TM4SF20: variants seen among roughly 807,000 people sequenced by gnomAD.
The protein encoded by TM4SF20 is transmembrane 4 L six family member 20.
TM4SF20 carries 13 observed loss-of-function variants against 15.1 expected under a neutral mutation model. That is an observed-to-expected ratio of 0.86 (90% CI 0.56 to 1.36). TM4SF20 has a LOEUF of 1.36. Ranked by LOEUF, TM4SF20 falls within the 40% of genes most tolerant of loss-of-function variation. The probability of loss-of-function intolerance (pLI) is 0.00; values close to 1 mark genes in which losing one functional copy is unlikely to be tolerated. For synonymous variants in TM4SF20, 92 were observed against 96.6 expected, an observed-to-expected ratio of 0.95 and a Z score of 0.28; for missense variants, 282 against 268.4, an observed-to-expected ratio of 1.05 and a Z score of -0.35.
At chr2:227,377,098 C>T (rs1420602631) in intron 1 of TM4SF20, among the ~76,000 whole-genome samples, 1 of 151,198 alleles carries the variant, frequency 6.6e-6, no homozygotes, top group Non-Finnish European at 1.5e-5. Context: ...GTCATCGCCA[C>T]CTCCGACTCC....
At chr2:227,372,598 G>A (rs558846441) in intron 1 of TM4SF20, among the ~76,000 whole-genome samples, 4 of 152,276 alleles carry the variant, frequency 2.6e-5, no homozygotes, top group Admixed American at 1.3e-4. Flanking sequence ...CTGAGATCAT[G>A]TGACTGCACT....
chr2:227,368,055 G>A (rs1187998055), intron 2 of TM4SF20, among the ~76,000 whole-genome samples: 6 of 126,466 alleles, frequency 4.7e-5, no homozygotes, highest in Admixed American at 9.6e-5. Context: ...ACGGAGTCTC[G>A]CTGTGTCGCC....
intron 1 of TM4SF20, among the ~76,000 whole-genome samples, chr2:227,372,229 T>C (rs2076424367): frequency 6.6e-6 from 1 of 152,208 alleles, no homozygotes; most frequent in Admixed American, 6.5e-5. Flanking sequence ...TCCATCCTCA[T>C]AATAATCCTA....
intron 1 of TM4SF20, among the ~76,000 whole-genome samples, chr2:227,375,732 G>T (rs945261974): frequency 1.3e-5 from 2 of 151,906 alleles, no homozygotes; most frequent in Non-Finnish European, 2.9e-5. Context: ...CTCGTGATTC[G>T]CCCGCCTCGG....
chr2:227,381,106 C>T (rs1309769375), upstream of TM4SF20, among the ~76,000 whole-genome samples: 4 of 152,040 alleles, frequency 2.6e-5, no homozygotes, highest in Non-Finnish European at 5.9e-5. Flanking sequence ...AAAACCCTGT[C>T]TCTACTAAAA....
At chr2:227,377,710 T>C (rs1269891654) in intron 1 of TM4SF20, among the ~76,000 whole-genome samples, 1 of 152,106 alleles carries the variant, frequency 6.6e-6, no homozygotes, top group Non-Finnish European at 1.5e-5. Context: ...ATCCTTAAAC[T>C]AACGCATGAA....
At chr2:227,372,024 G>T (rs1414731361) in intron 1 of TM4SF20, among the ~76,000 whole-genome samples, 1 of 152,164 alleles carries the variant, frequency 6.6e-6, no homozygotes, top group East Asian at 1.9e-4. Flanking sequence ...ACTGGAAGGA[G>T]TTTTGTATCA....
Position 227,366,743 on chromosome 2 carries a change from AAAAAAAAAAAAAAG to A in TM4SF20, c.250-513_250-500del, listed in dbSNP as rs1424708538. On this transcript the variant is annotated intron_variant, in intron 2 of 3. Coordinates refer to ENST00000304568, the MANE Select transcript of TM4SF20 (RefSeq NM_024795.4). ...AAAAAAAAAAAAAAAAAAAAAAAAA[AAAAAAAAAAAAAAG>A]ATGGTTTGGCTTGTCACTGTCTCTG... Among the ~76,000 whole-genome samples, 604 of 90,698 alleles carry A rather than the reference AAAAAAAAAAAAAAG, an allele frequency of 6.7e-3. 21 individuals are homozygous for A. Among genetic ancestry groups the A allele is most frequent in the African/African-American group, 0.032 (571 of 18,106 alleles). The allele number at this position is 90,698 out of a possible 152,430, so 59.5% of individuals were successfully genotyped here.
Position 227,370,960 on chromosome 2 carries a change from CATT to C in TM4SF20, c.201_203del (p.Met68del), listed in dbSNP as rs764940533. ...ACGCTCTTTTTCTTGCTGTCAAGGA[CATT>C]GTTGTTGCTGGAATGGCCTGGAAAT... On this transcript the variant is annotated inframe_deletion, in exon 2 of 4. Coordinates refer to ENST00000304568, the MANE Select transcript of TM4SF20 (RefSeq NM_024795.4). 1.7e-5 allele frequency: 28 copies of C among 1,613,804 alleles called. No homozygotes were observed. In the African/African-American group the frequency reaches 2.0e-4, roughly 12 times the overall value.
At chr2:227,364,380 C>T (rs2076380159) in intron 3 of TM4SF20, among the ~76,000 whole-genome samples, 1 of 145,886 alleles carries the variant, frequency 6.9e-6, no homozygotes, top group Admixed American at 6.6e-5. Flanking sequence ...AGGAGCCTCC[C>T]CTACCCCCCG....
At chr2:227,364,052 C>G (rs1175439815) in intron 3 of TM4SF20, 40 bp from the exon 4 acceptor site, 1 of 1,567,246 alleles carries the variant, frequency 6.4e-7, no homozygotes, top group Admixed American at 1.8e-5. Flanking sequence ...TCAGAAATAT[C>G]CCTGACCAAA....
intron 1 of TM4SF20, among the ~76,000 whole-genome samples, chr2:227,374,553 GT>G (rs2076437992): frequency 6.6e-6 from 1 of 152,156 alleles, no homozygotes; most frequent in Non-Finnish European, 1.5e-5. Context: ...GAATGCCTGA[GT>G]TTTTGTAAAA....
At chr2:227,366,876 G>C (rs950865701) in intron 2 of TM4SF20, among the ~76,000 whole-genome samples, 4 of 151,202 alleles carry the variant, frequency 2.6e-5, no homozygotes, top group Admixed American at 6.6e-5. Flanking sequence ...CTACTTCATA[G>C]AATCTTGACT....
intron 1 of TM4SF20, among the ~76,000 whole-genome samples, chr2:227,377,140 G>A (rs1339239912): frequency 6.6e-6 from 1 of 152,160 alleles, no homozygotes; most frequent in Non-Finnish European, 1.5e-5. Context: ...TTAATCTCAT[G>A]GGATTTGTGG....
At chr2:227,374,992 A>G (rs1333402456) in intron 1 of TM4SF20, among the ~76,000 whole-genome samples, 1 of 151,706 alleles carries the variant, frequency 6.6e-6, no homozygotes, top group African/African-American at 2.4e-5. Context: ...CAGTGGCACA[A>G]TCTCGGCTCT....
Position 227,366,227 on chromosome 2 carries a change from A to C in TM4SF20, c.267T>G (p.Leu89=), listed in dbSNP as rs370701272. 3.2e-5 allele frequency: 51 copies of C among 1,607,936 alleles called. No individual in the cohort carries two copies. The highest frequency in any genetic ancestry group is 4.1e-5 in the Non-Finnish European group (48 of 1,178,664). ...NNRTGMFLSS[L]FSVITVIGAL... is the part of the protein sequence containing the mutation. ...CACCAATGACTGTGATCACACTGAA[A>C]AGTGATGAAAGAAACATCTGAAAAA... Residue 89 remains leucine (L), a synonymous_variant, in exon 3 of 4, where the codon CTT becomes CTG. Transcript: ENST00000304568.
intron 2 of TM4SF20, among the ~76,000 whole-genome samples, chr2:227,369,591 G>A (rs2076410718): frequency 6.6e-6 from 1 of 152,076 alleles, no homozygotes; most frequent in African/African-American, 2.4e-5. Flanking sequence ...ACCGTGCCCA[G>A]CTAATTTTTG....
intron 1 of TM4SF20, among the ~76,000 whole-genome samples, chr2:227,374,530 C>T (rs938721568): frequency 2.6e-5 from 4 of 152,102 alleles, no homozygotes; most frequent in African/African-American, 9.7e-5. Flanking sequence ...CTCTTCATTT[C>T]CTAAGCATAT....
intron 3 of TM4SF20, among the ~76,000 whole-genome samples, chr2:227,364,716 A>G (rs1472242683): frequency 6.6e-6 from 1 of 152,194 alleles, no homozygotes; most frequent in Non-Finnish European, 1.5e-5. Context: ...CAAGCCAAGG[A>G]TCACTCTCTT....
Sources: allele counts gnomAD v4.1 joint callset (sites outside exome capture counted in the v4.1 genomes callset), GRCh38; gene constraint gnomAD v4.1.1; transcripts MANE v1.5; gene names NCBI Gene and HGNC (gene_info 2026-07-23, HGNC 2026-07-21).